Variants in ATP1A4 observed in about 807,000 individuals in gnomAD.
ATP1A4 encodes sodium/potassium-transporting ATPase subunit alpha-4.
In ATP1A4, 90 loss-of-function variants were observed where a neutral mutation model predicts 114.3. The ratio of observed to expected loss-of-function variants is 0.79; its 90% confidence interval spans 0.66 to 0.94. The LOEUF (loss-of-function observed/expected upper bound fraction) is 0.94, where lower values mean the gene tolerates loss of function less well. Ranked by LOEUF, ATP1A4 falls within the 40% of genes least tolerant of loss-of-function variation. ATP1A4 has a pLI of 0.00. For synonymous variants in ATP1A4, 511 were observed against 494.1 expected, an observed-to-expected ratio of 1.03 and a Z score of -0.45; for missense variants, 1,222 against 1,313.6, an observed-to-expected ratio of 0.93 and a Z score of 1.08.
At chr1:160,170,634 A>G (rs1253364013) in intron 10 of ATP1A4, 12 of 140,864 alleles carry the variant, frequency 8.5e-5, no homozygotes, top group African/African-American at 3.2e-4. Context: ...CCCAGGCTAG[A>G]GTGCAATAGC....
rs769118393 is a variant in ATP1A4 at position 160,173,691 on chromosome 1, G to A, written c.1965G>A (p.Lys655=). ...CAGAGGAAGTCGCTGCCCGGCTTAA[G>A]ATCCCTATCAGCAAGGTCGATGCCA... ...ETAEEVAARL[K]IPISKVDASA... The change falls in exon 13 of 22, where the codon AAG becomes AAA. Residue 655 remains lysine (K), a synonymous_variant. Transcript: ENST00000368081. The A allele has an allele frequency of 2.2e-5, 36 of 1,614,052 alleles. No individual in the cohort carries two copies. The highest frequency in any genetic ancestry group is 2.8e-5 in the Non-Finnish European group (33 of 1,180,034).
rs200979723 is a variant in ATP1A4, at chr1:160,177,516, C to T, written c.2591-3C>T. On this transcript the variant is annotated splice_polypyrimidine_tract_variant and splice_region_variant and intron_variant, in intron 17 of 21. Transcript: ENST00000368081. ...CCCTGTCCTGCAACTCTGTCATTCA[C>T]AGGGATGATCCAGGCTCTGGCTGGA... 1.2e-6 allele frequency: 2 copies of T among 1,613,802 alleles called. No individual in the cohort carries two copies. The highest frequency in any genetic ancestry group is 1.3e-5 in the African/African-American group (1 of 75,038).
chr1:160,153,991 A>G (rs12138430), intron 2 of ATP1A4, among the ~76,000 whole-genome samples: 25,586 of 152,176 alleles, frequency 0.17, 2,686 homozygotes, highest in East Asian at 0.4. Context: ...ATTAACAGGA[A>G]AAAGCACATA....
Position 160,152,207 on chromosome 1 carries a change from G to A in ATP1A4, c.147+20G>A, listed in dbSNP as rs757949739. 1.9e-5 allele frequency: 31 copies of A among 1,609,828 alleles called. No individual in the cohort carries two copies. Among genetic ancestry groups the A allele is most frequent in the Non-Finnish European group, 2.6e-5 (31 of 1,178,834 alleles). On this transcript the variant is annotated intron_variant, in intron 1 of 21. Coordinates refer to ENST00000368081, the MANE Select transcript of ATP1A4 (RefSeq NM_144699.4). ...GTCATGGTGAGGCCACCCAAAGTGG[G>A]CGCTGACAGCTGCCCTCTGAAAACA...
chr1:160,165,552 G>A (rs546714402), intron 7 of ATP1A4, among the ~76,000 whole-genome samples: 2 of 152,178 alleles, frequency 1.3e-5, no homozygotes, highest in South Asian at 2.1e-4. Flanking sequence ...GAGGTCAGGA[G>A]ATCGAGACCG....
At chr1:160,177,462 C>T in intron 17 of ATP1A4, 57 bp from the exon 18 acceptor site, 1 of 1,596,346 alleles carries the variant, frequency 6.3e-7, no homozygotes, top group Non-Finnish European at 8.6e-7. Flanking sequence ...CCTGGCCTAC[C>T]TTTTGGGGCC....
chr1:160,165,997 C>T (rs10158799), intron 7 of ATP1A4, among the ~76,000 whole-genome samples: 37,575 of 151,984 alleles, frequency 0.25, 4,790 homozygotes, highest in Non-Finnish European at 0.27. Flanking sequence ...TGGCCAGGCA[C>T]GGTGGCTCAC....
intron 4 of ATP1A4, among the ~76,000 whole-genome samples, chr1:160,158,691 T>C (rs1045655435): frequency 6.6e-6 from 1 of 152,146 alleles, no homozygotes; most frequent in Non-Finnish European, 1.5e-5. Context: ...GAAAGCACTT[T>C]TTAAACTCCT....
Position 160,177,668 on chromosome 1 carries a change from A to G in ATP1A4, c.2736+4A>G. The G allele has an allele frequency of 6.2e-7, 1 of 1,614,174 alleles. No individual in the cohort carries two copies. The highest frequency in any genetic ancestry group is 8.5e-7 in the Non-Finnish European group (1 of 1,179,994). ...GGACAGCTACGGACAGCAGTGGGTG[A>G]GTAGAAGGGATAAGGTAGGAGCTGA... On this transcript the variant is annotated splice_donor_region_variant and intron_variant, in intron 18 of 21. Coordinates refer to ENST00000368081, the MANE Select transcript of ATP1A4 (RefSeq NM_144699.4).
chr1:160,155,081 C>G lies in ATP1A4; in HGVS notation c.244C>G (p.Arg82Gly). 1 of 1,614,004 alleles carries G rather than the reference C, an allele frequency of 6.2e-7. No individual in the cohort carries two copies. The highest frequency in any genetic ancestry group is 8.5e-7 in the Non-Finnish European group (1 of 1,179,946). ...CCAAAGGGCAAAGGAAATCCTGACTCGAGGTGGACCCAATACTGTTACCCC... is the reference window on the plus strand; with the variant it reads ...CCAAAGGGCAAAGGAAATCCTGACTGGAGGTGGACCCAATACTGTTACCCC... ...SHQRAKEILT[R>G]GGPNTVTPPP... The change falls in exon 3 of 22, where the codon CGA becomes GGA. Residue 82 changes from arginine to glycine, a missense_variant. Coordinates refer to ENST00000368081, the MANE Select transcript of ATP1A4 (RefSeq NM_144699.4).
At chr1:160,161,641 C>T (rs553378831) in intron 6 of ATP1A4, among the ~76,000 whole-genome samples, 10 of 152,278 alleles carry the variant, frequency 6.6e-5, no homozygotes, top group South Asian at 4.1e-4. Flanking sequence ...TCCACCCGGC[C>T]CAAAATAGGA....
At chr1:160,176,318 C>T in intron 16 of ATP1A4, 72 bp downstream of exon 16, 1 of 1,599,794 alleles carries the variant, frequency 6.3e-7, no homozygotes, top group Non-Finnish European at 8.6e-7. Context: ...CTGCCTGGAG[C>T]TATCTTACTA....
At position 160,186,086 on chromosome 1, in the gene ATP1A4, C is replaced by CAAAAAAAAAAAAAAAAAA. The variant is rs527303426; in HGVS notation, c.2970-185_2970-168dup. ...TGGGCAACAGAACAAGACTCTGTCG[C>CAAAAAAAAAAAAAAAAAA]AAAAAAAAAAAAAAAAAAAAAAGGG... is the stretch of plus-strand genomic sequence containing the variant. On this transcript the variant is annotated intron_variant, in intron 20 of 21. Coordinates refer to ENST00000368081, the MANE Select transcript of ATP1A4 (RefSeq NM_144699.4). Among the ~76,000 whole-genome samples, 83 of 32,782 alleles carry CAAAAAAAAAAAAAAAAAA rather than the reference C, an allele frequency of 2.5e-3. 21 individuals are homozygous for CAAAAAAAAAAAAAAAAAA. Among genetic ancestry groups the CAAAAAAAAAAAAAAAAAA allele is most frequent in the East Asian group, 0.01 (8 of 788 alleles). The allele number at this position is 32,782 out of a possible 152,430, so 21.5% of individuals were successfully genotyped here.
chr1:160,176,678 T>C, intron 17 of ATP1A4, 76 bp downstream of exon 17: 1 of 1,579,190 alleles, frequency 6.3e-7, no homozygotes, highest in Non-Finnish European at 8.6e-7. Flanking sequence ...CATCTCAGTT[T>C]GGAAGTCAGG....
rs1244488847 is a variant in ATP1A4, at chr1:160,155,868, C to T, written c.412-177C>T. Reference sequence around the variant, plus strand: ...GCTCACCATGGCTCAGGGTTCCTTCCCCAGGAAGCCAAGTGTACTGGTCCC... The same window carrying T: ...GCTCACCATGGCTCAGGGTTCCTTCTCCAGGAAGCCAAGTGTACTGGTCCC... On this transcript the variant is annotated intron_variant, in intron 3 of 21. Transcript: ENST00000368081. Among the ~76,000 whole-genome samples, 3 of 152,138 alleles carry T rather than the reference C, an allele frequency of 2.0e-5. No homozygotes were observed. The East Asian group carries it at 5.8e-4, about 29-fold the overall frequency.
chr1:160,176,008 G>A, intron 15 of ATP1A4, 84 bp from the exon 16 acceptor site: 1 of 1,405,872 alleles, frequency 7.1e-7, no homozygotes, highest in Non-Finnish European at 1.0e-6. Context: ...ACACTTCTTT[G>A]AGGTGGCCTG....
Position 160,173,717 on chromosome 1 carries a change from G to T in ATP1A4, c.1991G>T (p.Ser664Ile). ...ATCCCTATCAGCAAGGTCGATGCCA[G>T]GTGAGATCACTAAAGAACTCAAGAT... is the stretch of plus-strand genomic sequence containing the variant. ...LKIPISKVDA[S>I]AAKAIVVHGA... is the part of the protein sequence containing the mutation. The change falls in exon 13 of 22, where the codon AGT becomes ATT. Residue 664 changes from serine to isoleucine, a missense_variant and splice_region_variant. By Grantham distance (142) the Ser-to-Ile change is moderately radical (BLOSUM62 -2). Transcript: ENST00000368081. The T allele has an allele frequency of 6.2e-7, 1 of 1,614,028 alleles. No homozygotes were observed. Among genetic ancestry groups the T allele is most frequent in the Non-Finnish European group, 8.5e-7 (1 of 1,179,946 alleles).
rs1383263655 is a variant in ATP1A4, at chr1:160,167,344, G to A, written c.1423G>A (p.Val475Met). The A allele has an allele frequency of 7.4e-6, 12 of 1,611,820 alleles. No individual in the cohort carries two copies. Among genetic ancestry groups the A allele is most frequent in the Admixed American group, 1.7e-5 (1 of 58,818 alleles). ...GTTCATCGAGCAGTCTTACAGCTCT[G>A]TGGCGGAGATGAGAGAGAAAAACCC... ...LKFIEQSYSS[V>M]AEMREKNPKV... The change falls in exon 10 of 22, where the codon GTG (valine) becomes ATG (methionine). Residue 475 changes from valine (V) to methionine (M), a missense_variant. Physicochemically the swap from Val to Met is conservative, Grantham distance 21. Transcript: ENST00000368081.
intron 18 of ATP1A4, among the ~76,000 whole-genome samples, chr1:160,179,186 T>C (rs1022176208): frequency 1.3e-5 from 2 of 152,186 alleles, no homozygotes; most frequent in Admixed American, 1.3e-4. Flanking sequence ...TCACATACAG[T>C]TGGCTTCCAT....
Sources: allele counts gnomAD v4.1 joint callset (sites outside exome capture counted in the v4.1 genomes callset), GRCh38; gene constraint gnomAD v4.1.1; transcripts MANE v1.5; gene names NCBI Gene and HGNC (gene_info 2026-07-23, HGNC 2026-07-21).